PPP6R2: variants seen among roughly 807,000 people sequenced by gnomAD.
PPP6R2 encodes the protein protein phosphatase 6 regulatory subunit 2.
A neutral mutation model predicts 100.2 loss-of-function variants in PPP6R2; 62 were observed. The ratio of observed to expected loss-of-function variants is 0.62; its 90% CI spans 0.50 to 0.76. PPP6R2 has a LOEUF of 0.76. PPP6R2 is among the 30% of genes least tolerant of loss of function. The pLI is 0.00. For synonymous variants in PPP6R2, 525 were observed against 514.7 expected (o/e 1.02, Z -0.27); for missense variants, 1,142 against 1,276.3 (o/e 0.89, Z 1.60).
At position 50,436,387 on chromosome 22, in the gene PPP6R2, G is replaced by T; in HGVS notation, c.1537G>T (p.Gly513Cys). 1 of 1,584,714 alleles carries T rather than the reference G, an allele frequency of 6.3e-7. No homozygotes were observed. Among genetic ancestry groups the T allele is most frequent in the East Asian group, 2.3e-5 (1 of 43,866 alleles). The change falls in exon 14 of 24, where the codon GGC becomes TGC. Residue 513 changes from glycine (G) to cysteine (C), a missense_variant. Gly to Cys is a radical substitution (Grantham distance 159). Transcript: ENST00000612753. ...TGCAGGGCTCCCTGCGGACTGCCGTGGCCGCTGGGAGAGCTTCGTGGAGGA... is the reference window on the plus strand; with the variant it reads ...TGCAGGGCTCCCTGCGGACTGCCGTTGCCGCTGGGAGAGCTTCGTGGAGGA... ...VIRGLPADCR[G>C]RWESFVEETL...
intron 10 of PPP6R2, among the ~76,000 whole-genome samples, chr22:50,427,286 T>C (rs1344408405): frequency 6.6e-6 from 1 of 152,192 alleles, no homozygotes; most frequent in African/African-American, 2.4e-5. Flanking sequence ...TATGCCAGTG[T>C]CGCACTGTTT....
At chr22:50,438,103 G>A in intron 17 of PPP6R2, 71 bp from the exon 18 acceptor site, 4 of 1,551,150 alleles carry the variant, frequency 2.6e-6, no homozygotes, top group East Asian at 2.3e-5. Context: ...CCCTCTGGGA[G>A]CTCTATGGGG....
At chr22:50,436,890 G>A in intron 14 of PPP6R2, 98 bp from the exon 15 acceptor site, 1 of 961,224 alleles carries the variant, frequency 1.0e-6, no homozygotes. Flanking sequence ...GGTGGGGTCT[G>A]GGAGCCCTGG....
intron 7 of PPP6R2, 54 bp from the exon 8 acceptor site, chr22:50,419,295 C>A: frequency 1.3e-6 from 2 of 1,483,874 alleles, no homozygotes; most frequent in African/African-American, 2.8e-5. Flanking sequence ...ATCCTTGCAT[C>A]CTTTGTGTGT....
intron 1 of PPP6R2, among the ~76,000 whole-genome samples, chr22:50,354,967 C>A (rs2046146780): frequency 6.6e-6 from 1 of 150,908 alleles, no homozygotes; most frequent in South Asian, 2.1e-4. Context: ...TGCCAGGCTC[C>A]TGAGTAGCTG....
At chr22:50,416,021 A>C in intron 5 of PPP6R2, 71 bp from the exon 6 acceptor site, 4 of 1,428,672 alleles carry the variant, frequency 2.8e-6, no homozygotes, top group Non-Finnish European at 3.9e-6. Flanking sequence ...GTGCTGCACC[A>C]AAGGGGAAAG....
At chr22:50,376,978 G>T (rs191010687) in intron 2 of PPP6R2, among the ~76,000 whole-genome samples, 1 of 152,048 alleles carries the variant, frequency 6.6e-6, no homozygotes, top group African/African-American at 2.4e-5. Flanking sequence ...AGTGAGCCAA[G>T]ATCACACCAC....
At chr22:50,364,051 C>A (rs1043104469) in intron 1 of PPP6R2, among the ~76,000 whole-genome samples, 3 of 152,148 alleles carry the variant, frequency 2.0e-5, no homozygotes, top group Admixed American at 1.3e-4. Context: ...TGCACCACCA[C>A]GTCTGGCTAG....
chr22:50,423,390 T>C lies in PPP6R2; in HGVS notation c.973-72T>C, dbSNP rs2061590945. ...GGGTCCCAGCCTAGAGTGATGGGCA[T>C]GAGCCCAGAGACTCCAGCAGTGGCC... On this transcript the variant is annotated intron_variant, in intron 9 of 23. Coordinates refer to ENST00000612753, the MANE Select transcript of PPP6R2 (RefSeq NM_001242898.2). This position sits in a 1 kb window ranked among gnomAD's most constrained non-coding sequence, Gnocchi z 4.8. 10 of 1,581,528 alleles carry C rather than the reference T, an allele frequency of 6.3e-6. No individual in the cohort carries two copies. Among genetic ancestry groups the C allele is most frequent in the Non-Finnish European group, 8.7e-6 (10 of 1,155,174 alleles).
chr22:50,367,405 C>A (rs2048987016), intron 1 of PPP6R2, among the ~76,000 whole-genome samples: 1 of 152,160 alleles, frequency 6.6e-6, no homozygotes, highest in Admixed American at 6.5e-5. Flanking sequence ...GTGGAGGGCA[C>A]AGGCAAAAGA....
chr22:50,430,185 C>T (rs1301517406), intron 10 of PPP6R2, among the ~76,000 whole-genome samples: 1 of 152,218 alleles, frequency 6.6e-6, no homozygotes, highest in Admixed American at 6.5e-5. Flanking sequence ...GAGATGGCAG[C>T]TGTCCTCGTT....
chr22:50,375,307 G>A (rs2051239212), intron 2 of PPP6R2, among the ~76,000 whole-genome samples: 1 of 152,108 alleles, frequency 6.6e-6, no homozygotes, highest in Non-Finnish European at 1.5e-5. Context: ...AAAAAAGCAG[G>A]AAACTTTTGG....
At chr22:50,412,986 G>A (rs1281535868) in intron 4 of PPP6R2, among the ~76,000 whole-genome samples, 2 of 137,454 alleles carry the variant, frequency 1.5e-5, no homozygotes. Flanking sequence ...TTGAGACAGA[G>A]TTTTGCTCTT....
the PPP6R2 span, among the ~76,000 whole-genome samples, chr22:50,331,626 T>C: frequency 6.6e-6 from 1 of 152,168 alleles, no homozygotes; most frequent in Non-Finnish European, 1.5e-5. Flanking sequence ...TTTTTTTAAC[T>C]TCTTTTTTTG....
At chr22:50,387,328 C>T (rs1454026725) in intron 2 of PPP6R2, among the ~76,000 whole-genome samples, 1 of 152,112 alleles carries the variant, frequency 6.6e-6, no homozygotes. Flanking sequence ...CTCGGCCTCC[C>T]GAATTGTTGG....
At chr22:50,436,313 T>A in intron 13 of PPP6R2, 54 bp from the exon 14 acceptor site, 2 of 1,511,580 alleles carry the variant, frequency 1.3e-6, no homozygotes, top group Middle Eastern at 2.2e-4. Flanking sequence ...CCGGGTGCCC[T>A]GCACCATCTG....
intron 2 of PPP6R2, among the ~76,000 whole-genome samples, chr22:50,379,623 T>C (rs926194673): frequency 6.6e-6 from 1 of 152,190 alleles, no homozygotes; most frequent in Non-Finnish European, 1.5e-5. Flanking sequence ...AGGGGTGCAG[T>C]GGCTCCTGCC....
chr22:50,396,375 A>G (rs2056868982), intron 3 of PPP6R2, among the ~76,000 whole-genome samples: 1 of 151,268 alleles, frequency 6.6e-6, no homozygotes, highest in Non-Finnish European at 1.5e-5. Flanking sequence ...TGTGCCTATA[A>G]TCCCAGCTAC....
Position 50,438,749 on chromosome 22 carries a change from G to C in PPP6R2, c.2115G>C (p.Glu705Asp). ...GGAAGAAGGAAGCGCCCCCTGTGGA[G>C]GGTGACTCAGAAGGTGGTGCTGGGC... ...APGKKEAPPV[E>D]GDSEGAMWTA... The change falls in exon 19 of 24, where the codon GAG becomes GAC. Residue 705 changes from glutamate to aspartate, a missense_variant. By Grantham distance (45) the Glu-to-Asp change is conservative (BLOSUM62 2). Transcript: ENST00000612753. The C allele has an allele frequency of 6.3e-7, 1 of 1,598,194 alleles. No homozygotes were observed. Among genetic ancestry groups the C allele is most frequent in the Non-Finnish European group, 8.5e-7 (1 of 1,172,636 alleles).
Sources: gnomAD v4.1 joint callset for allele counts (sites outside exome capture counted in the v4.1 genomes callset) on GRCh38, gnomAD v4.1.1 for gene constraint, Gnocchi (gnomAD v3.1) non-coding constraint, MANE v1.5 for transcripts, NCBI Gene and HGNC (gene_info 2026-07-23, HGNC 2026-07-21) for gene names.